The following SPMIP10 variants were observed in gnomAD, a reference collection of about 807,000 sequenced individuals.
SPMIP10 encodes sperm-associated microtubule inner protein 10.
At chr5:126,632,199 G>T in the SPMIP10 span, among the ~76,000 whole-genome samples, 4 of 134,396 alleles carry the variant, frequency 3.0e-5, no homozygotes, top group Non-Finnish European at 6.1e-5. Flanking sequence ...AGGAATTCGA[G>T]ACCAGCCTGA....
chr5:126,632,708 C>T, the SPMIP10 span: 1 of 1,058,312 alleles, frequency 9.4e-7, no homozygotes, highest in Non-Finnish European at 1.4e-6. Flanking sequence ...AAACATTAAG[C>T]CGGATGCGGT....
At chr5:126,635,961 G>T in the SPMIP10 span, 17 of 1,339,214 alleles carry the variant, frequency 1.3e-5, no homozygotes, top group Non-Finnish European at 1.6e-5. Flanking sequence ...GGCTCCTGAT[G>T]AAACTTCCTT....
the SPMIP10 span, among the ~76,000 whole-genome samples, chr5:126,635,867 G>A: frequency 6.6e-6 from 1 of 151,984 alleles, no homozygotes; most frequent in Admixed American, 6.6e-5. Context: ...TTGCTCTGTT[G>A]CCCAGGCTGG....
the SPMIP10 span, among the ~76,000 whole-genome samples, chr5:126,635,034 T>C: frequency 6.6e-6 from 1 of 151,106 alleles, no homozygotes; most frequent in Non-Finnish European, 1.5e-5. Flanking sequence ...CCAGGCATTG[T>C]GGTGTGTGCT....
the SPMIP10 span, among the ~76,000 whole-genome samples, chr5:126,635,219 G>A: frequency 3.0e-4 from 45 of 149,092 alleles, no homozygotes; most frequent in African/African-American, 1.1e-3. Flanking sequence ...TACCAGAGTT[G>A]GGGCTGCATC....
At chr5:126,635,216 G>A in the SPMIP10 span, among the ~76,000 whole-genome samples, 1 of 149,034 alleles carries the variant, frequency 6.7e-6, no homozygotes, top group Non-Finnish European at 1.5e-5. Context: ...GCATACCAGA[G>A]TTGGGGCTGC....
At chr5:126,636,221 T>A in the SPMIP10 span, 11 of 1,613,962 alleles carry the variant, frequency 6.8e-6, no homozygotes, top group Non-Finnish European at 5.1e-6. Context: ...TTCCCATGGC[T>A]TCAGGAGGCG....
the SPMIP10 span, chr5:126,632,763 G>A: frequency 6.1e-6 from 4 of 653,900 alleles, no homozygotes; most frequent in Non-Finnish European, 1.1e-5. Context: ...CGAGGCGGGT[G>A]GATCACTTGA....
At chr5:126,632,130 G>A in the SPMIP10 span, among the ~76,000 whole-genome samples, 1 of 151,548 alleles carries the variant, frequency 6.6e-6, no homozygotes, top group East Asian at 1.9e-4. Context: ...AGGGTGCAGT[G>A]GCTCACGGCT....
At chr5:126,632,353 T>C in the SPMIP10 span, among the ~76,000 whole-genome samples, 235 of 151,082 alleles carry the variant, frequency 1.6e-3, 1 homozygote, top group African/African-American at 5.4e-3. Flanking sequence ...TACAGATACC[T>C]GGCCCTGACT....
At chr5:126,632,790 C>T in the SPMIP10 span, 1 of 562,466 alleles carries the variant, frequency 1.8e-6, no homozygotes, top group Non-Finnish European at 3.2e-6. Context: ...GAGTTCGAGA[C>T]CAGCCTAGCC....
the SPMIP10 span, chr5:126,631,884 A>G: frequency 1.0e-6 from 1 of 963,994 alleles, no homozygotes; most frequent in South Asian, 1.3e-5. Context: ...AGCCACAAAG[A>G]TACGGTCAAT....
the SPMIP10 span, chr5:126,636,128 G>A: frequency 1.2e-6 from 2 of 1,614,072 alleles, no homozygotes; most frequent in Non-Finnish European, 1.7e-6. Flanking sequence ...TCGTAAAGTT[G>A]TCTTCCAAAA....
At chr5:126,632,543 C>G in the SPMIP10 span, 1 of 1,512,896 alleles carries the variant, frequency 6.6e-7, no homozygotes, top group South Asian at 1.1e-5. Context: ...TCCTAATCAT[C>G]AGGTATGAAG....
the SPMIP10 span, among the ~76,000 whole-genome samples, chr5:126,634,102 A>G: frequency 6.6e-6 from 1 of 152,212 alleles, no homozygotes; most frequent in Non-Finnish European, 1.5e-5. Flanking sequence ...TATATGCTCA[A>G]AATAATTGAA....
At chr5:126,634,229 C>T in the SPMIP10 span, among the ~76,000 whole-genome samples, 1 of 152,148 alleles carries the variant, frequency 6.6e-6, no homozygotes, top group South Asian at 2.1e-4. Context: ...TTCAGGAGTT[C>T]AAGACCAGCC....
chr5:126,633,787 C>A, the SPMIP10 span, among the ~76,000 whole-genome samples: 1 of 152,122 alleles, frequency 6.6e-6, no homozygotes, highest in Non-Finnish European at 1.5e-5. Context: ...CCTCAGCCTC[C>A]TGAGCAGCTG....
At chr5:126,632,710 G>T in the SPMIP10 span, 11 of 1,036,080 alleles carry the variant, frequency 1.1e-5, no homozygotes, top group African/African-American at 1.4e-4. Context: ...ACATTAAGCC[G>T]GATGCGGTGA....
the SPMIP10 span, chr5:126,632,545 G>C: frequency 1.3e-6 from 2 of 1,533,850 alleles, no homozygotes; most frequent in Non-Finnish European, 1.8e-6. Flanking sequence ...CTAATCATCA[G>C]GTATGAAGAG....
Sources: allele counts gnomAD v4.1 joint callset (sites outside exome capture counted in the v4.1 genomes callset), GRCh38; gene constraint gnomAD v4.1.1; transcripts MANE v1.5; gene names NCBI Gene and HGNC (gene_info 2026-07-23, HGNC 2026-07-21).